The following SESN3 variants were observed in gnomAD, a reference collection of about 807,000 sequenced individuals.
The protein encoded by SESN3 is sestrin 3, also known as sestrin-3.
Under a neutral mutation model 55.3 loss-of-function variants are expected in SESN3, and 21 were observed. The observed-to-expected ratio is 0.38, with a 90% CI of 0.27 to 0.55. The LOEUF is 0.55. Ranked by LOEUF, SESN3 falls within the 20% of genes least tolerant of loss-of-function variation. The probability of loss-of-function intolerance (pLI) is 0.76; values close to 1 mark genes in which losing one functional copy is unlikely to be tolerated. For synonymous variants in SESN3, 181 were observed against 203.1 expected (o/e 0.89, Z 0.93); for missense variants, 408 against 604.3 (o/e 0.68, Z 3.41).
intron 4 of SESN3, among the ~76,000 whole-genome samples, chr11:95,187,650 C>T (rs913347518): frequency 1.3e-4 from 20 of 151,894 alleles, no homozygotes; most frequent in African/African-American, 4.8e-4. Context: ...TGAGAAAGAT[C>T]TTTCTCTATT....
At position 95,170,834 on chromosome 11, in the gene SESN3, T is replaced by C. The variant is rs910443486; in HGVS notation, c.*2421A>G. The C allele has an allele frequency of 4.6e-5, 7 of 152,186 alleles. No homozygotes were observed. The highest frequency in any genetic ancestry group is 7.4e-5 in the Non-Finnish European group (5 of 68,022). The allele number at this position is 152,186 out of a possible 1,614,324, so 9.4% of individuals were successfully genotyped here. ...GTTCCAAGTCAACTTATTTTCCTAT[T>C]GATAAGATAGATCAATGCTGAGCTA... On this transcript the variant is annotated 3_prime_UTR_variant, in exon 10 of 10. Coordinates refer to ENST00000536441, the MANE Select transcript of SESN3 (RefSeq NM_144665.4).
chr11:95,189,270 C>T (rs529875145), intron 4 of SESN3, among the ~76,000 whole-genome samples: 1 of 152,030 alleles, frequency 6.6e-6, no homozygotes, highest in African/African-American at 2.4e-5. Flanking sequence ...TATTTCTCGT[C>T]TAAGCTCTAG....
intron 1 of SESN3, among the ~76,000 whole-genome samples, chr11:95,213,156 A>T (rs1212123842): frequency 6.6e-6 from 1 of 152,006 alleles, no homozygotes; most frequent in Non-Finnish European, 1.5e-5. Context: ...AATAAAAAAA[A>T]ACCTTGGTCT....
chr11:95,206,203 A>T (rs1860543116), intron 1 of SESN3, among the ~76,000 whole-genome samples: 2 of 152,142 alleles, frequency 1.3e-5, no homozygotes, highest in Non-Finnish European at 2.9e-5. Context: ...GTTCTATCTT[A>T]ATGACTAATT....
At chr11:95,179,752 A>T (rs952953254) in intron 6 of SESN3, among the ~76,000 whole-genome samples, 1 of 152,168 alleles carries the variant, frequency 6.6e-6, no homozygotes, top group Non-Finnish European at 1.5e-5. Flanking sequence ...TATGCCTAAG[A>T]TATGTGCACT....
At chr11:95,224,411 C>T (rs761511976) in intron 1 of SESN3, 2 of 418,278 alleles carry the variant, frequency 4.8e-6, no homozygotes, top group African/African-American at 4.2e-5. Context: ...TGACAACAAT[C>T]ATTGTCAGTG....
At chr11:95,215,709 C>A (rs1860739471) in intron 1 of SESN3, among the ~76,000 whole-genome samples, 1 of 152,178 alleles carries the variant, frequency 6.6e-6, no homozygotes. Context: ...CTAGAAATAA[C>A]TGTAAACCAA....
At chr11:95,188,273 A>G (rs923297165) in intron 4 of SESN3, among the ~76,000 whole-genome samples, 2 of 151,612 alleles carry the variant, frequency 1.3e-5, no homozygotes, top group Non-Finnish European at 2.9e-5. Context: ...TTATACACAT[A>G]AAATATATTT....
chr11:95,217,741 G>A (rs1490630168), intron 1 of SESN3, among the ~76,000 whole-genome samples: 1 of 151,676 alleles, frequency 6.6e-6, no homozygotes, highest in Non-Finnish European at 1.5e-5. Context: ...CACTGCACTA[G>A]TTATGTCATG....
At chr11:95,186,510 A>ATATATGGTGTG (rs1860170496) in intron 4 of SESN3, among the ~76,000 whole-genome samples, 2 of 151,936 alleles carry the variant, frequency 1.3e-5, no homozygotes, top group Non-Finnish European at 2.9e-5. Flanking sequence ...GAACAAAATT[A>ATATATGGTGTG]TAGCTAGATA....
chr11:95,231,037 G>T lies in SESN3; in HGVS notation c.-177C>A. The stretch of plus-strand genomic sequence containing the variant: ...GAAAGCTAGCGGCACTGCCAGAGGC[G>T]ACCACCGCGGCAGCTGCCCCAGCGA... On this transcript the variant is annotated 5_prime_UTR_variant, in exon 1 of 10. Coordinates refer to ENST00000536441, the MANE Select transcript of SESN3 (RefSeq NM_144665.4). 2 of 416,196 alleles carry T rather than the reference G, an allele frequency of 4.8e-6. No individual in the cohort carries two copies. Among genetic ancestry groups the T allele is most frequent in the South Asian group, 1.6e-4 (2 of 12,334 alleles). 25.8% of individuals were successfully genotyped at this position (416,196 alleles called of 1,614,324 possible).
At chr11:95,179,830 C>T (rs1242974738) in intron 6 of SESN3, among the ~76,000 whole-genome samples, 1 of 152,046 alleles carries the variant, frequency 6.6e-6, no homozygotes, top group Non-Finnish European at 1.5e-5. Context: ...GAGACTGTGA[C>T]TAGAATATTA....
intron 1 of SESN3, among the ~76,000 whole-genome samples, chr11:95,209,267 G>A (rs1005232607): frequency 6.6e-6 from 1 of 151,356 alleles, no homozygotes; most frequent in Admixed American, 6.6e-5. Flanking sequence ...GATATGAACA[G>A]ACACTTCTCA....
At chr11:95,193,859 T>C (rs987867514) in intron 1 of SESN3, among the ~76,000 whole-genome samples, 14 of 152,200 alleles carry the variant, frequency 9.2e-5, no homozygotes, top group African/African-American at 3.4e-4. Flanking sequence ...AGTAGTATAC[T>C]GTTAGACATC....
rs1565461839 is a variant in SESN3, at chr11:95,175,711, G to A, written c.1248-69C>T. 4 of 1,296,054 alleles carry A rather than the reference G, an allele frequency of 3.1e-6. No individual in the cohort carries two copies. The East Asian group carries it at 9.5e-5, about 31-fold the overall frequency. The allele number at this position is 1,296,054 out of a possible 1,614,324, so 80.3% of individuals were successfully genotyped here. ...TATTTAGTTTCCAAAGTTATACTAA[G>A]GACATTTATTGTCTAGTAATTAAAT... On this transcript the variant is annotated intron_variant, in intron 8 of 9. Transcript: ENST00000536441.
At chr11:95,200,454 A>G (rs1565469817) in intron 1 of SESN3, among the ~76,000 whole-genome samples, 1 of 152,088 alleles carries the variant, frequency 6.6e-6, no homozygotes, top group Non-Finnish European at 1.5e-5. Context: ...ATAAGAAAAG[A>G]TCTAAAAGCA....
intron 1 of SESN3, among the ~76,000 whole-genome samples, chr11:95,196,834 G>A (rs1451970772): frequency 1.3e-5 from 2 of 152,066 alleles, no homozygotes; most frequent in South Asian, 2.1e-4. Context: ...TTTTAAAATT[G>A]CATTTTCAGA....
chr11:95,225,190 G>C lies in SESN3; in HGVS notation c.78+5593C>G, dbSNP rs1860926826. On this transcript the variant is annotated intron_variant, in intron 1 of 9. Coordinates refer to ENST00000536441, the MANE Select transcript of SESN3 (RefSeq NM_144665.4). ...GGGCTAGCATAGTTTTACCCCCACTGCTTTTGCTCTCAGTGAAGAAGGCAA... is the reference window on the plus strand; with the variant it reads ...GGGCTAGCATAGTTTTACCCCCACTCCTTTTGCTCTCAGTGAAGAAGGCAA... Among the ~76,000 whole-genome samples, 4 of 152,274 alleles carry C rather than the reference G, an allele frequency of 2.6e-5. No individual in the cohort carries two copies. The South Asian group carries it at 8.3e-4, about 32-fold the overall frequency.
In SESN3 at chr11:95,189,876, T is replaced by A. The variant is rs1214973197; in HGVS notation, c.428A>T (p.Asn143Ile). 1 of 1,611,700 alleles carries A rather than the reference T, an allele frequency of 6.2e-7. No individual in the cohort carries two copies. The highest frequency in any genetic ancestry group is 1.3e-5 in the African/African-American group (1 of 74,712). The change falls in exon 4 of 10, where the codon AAT becomes ATT. Residue 143 changes from asparagine to isoleucine, a missense_variant. Around this residue, in one of 4 missense-constraint regions of SESN3, gnomAD observed 107 missense variants for 211.3 expected, o/e 0.51. Coordinates refer to ENST00000536441, the MANE Select transcript of SESN3 (RefSeq NM_144665.4). ...LKTGGIAEWL[N>I]GLEYVPQRLK... is the part of the protein sequence containing the mutation. ...TCTTTGTGGCACATATTCCAAACCA[T>A]TCAACCACTCAGCAATACCTCCAGT...
Sources: gnomAD v4.1 joint callset for allele counts (sites outside exome capture counted in the v4.1 genomes callset) on GRCh38, gnomAD v4.1.1 for gene constraint, gnomAD v4.1.1 regional missense constraint, MANE v1.5 for transcripts, NCBI Gene and HGNC (gene_info 2026-07-23, HGNC 2026-07-21) for gene names.